Variants in SCN1A observed in about 807,000 individuals in gnomAD.
SCN1A encodes the protein sodium channel protein type 1 subunit alpha.
A neutral mutation model predicts 193.7 loss-of-function variants in SCN1A; 13 were observed. That is an observed-to-expected ratio of 0.07 (90% CI 0.04 to 0.11). The LOEUF (loss-of-function observed/expected upper bound fraction) is 0.11. SCN1A is among the 10% of genes least tolerant of loss of function. SCN1A has a pLI of 1.00. For synonymous variants in SCN1A, 781 were observed against 843.6 expected, an observed-to-expected ratio of 0.93 and a Z score of 1.29; for missense variants, 1,432 against 2,451.1, an observed-to-expected ratio of 0.58 and a Z score of 8.78.
At chr2:166,006,976 T>C (rs1170025532) in intron 23 of SCN1A, among the ~76,000 whole-genome samples, 1 of 150,890 alleles carries the variant, frequency 6.6e-6, no homozygotes, top group Non-Finnish European at 1.5e-5. Flanking sequence ...CATATACACA[T>C]AACTAAATCA....
At chr2:165,993,031 TAA>T (rs1262907480) in intron 28 of SCN1A, 1 of 152,156 alleles carries the variant, frequency 6.6e-6, no homozygotes. Flanking sequence ...CTCCTGTACC[TAA>T]CACTGTAATC....
At chr2:166,016,698 A>G (rs950272454) in intron 19 of SCN1A, 1 of 151,966 alleles carries the variant, frequency 6.6e-6, no homozygotes, top group Admixed American at 6.6e-5. Context: ...TTTTTTGAAC[A>G]CCAACAATAT....
chr2:166,106,823 C>T (rs899911009), intron 2 of SCN1A, among the ~76,000 whole-genome samples: 3 of 152,110 alleles, frequency 2.0e-5, no homozygotes, highest in African/African-American at 7.2e-5. Context: ...AGAGAAGCCC[C>T]TTCCTCCTGC....
At chr2:166,053,418 G>C (rs899577891) in intron 7 of SCN1A, among the ~76,000 whole-genome samples, 2 of 151,830 alleles carry the variant, frequency 1.3e-5, no homozygotes, top group Non-Finnish European at 2.9e-5. Flanking sequence ...GTTTTAGTTA[G>C]AAAAAAATAT....
intron 17 of SCN1A, among the ~76,000 whole-genome samples, chr2:166,038,546 C>T (rs1696756449): frequency 1.3e-5 from 2 of 151,986 alleles, no homozygotes; most frequent in Non-Finnish European, 2.9e-5. Flanking sequence ...CCATGTTGGC[C>T]AGGCTGGTCA....
intron 2 of SCN1A, chr2:166,104,345 T>C (rs773874076): frequency 6.6e-6 from 1 of 152,222 alleles, no homozygotes; most frequent in Non-Finnish European, 1.5e-5. Flanking sequence ...CATAATCTAG[T>C]AAGGTAAGAA....
At chr2:166,043,635 C>T in intron 14 of SCN1A, 34 bp downstream of exon 14, 2 of 1,578,534 alleles carry the variant, frequency 1.3e-6, no homozygotes, top group South Asian at 1.2e-5. Context: ...CAATAGTGAG[C>T]CAGCCATGCC....
chr2:165,998,149 T>G lies in SCN1A; in HGVS notation c.4365A>C (p.Glu1455Asp), dbSNP rs746963769. 6 of 1,605,446 alleles carry G rather than the reference T, an allele frequency of 3.7e-6. No individual in the cohort carries two copies. The highest frequency in any genetic ancestry group is 4.3e-6 in the Non-Finnish European group (5 of 1,174,262). The change falls in exon 26 of 29, where the codon GAA becomes GAC. Residue 1455 changes from glutamate (E) to aspartate (D), a missense_variant. Glu to Asp is a conservative substitution (Grantham distance 45). Coordinates refer to ENST00000674923, the MANE Select transcript of SCN1A (RefSeq NM_001165963.4). ...CAAAGTAAAGATACATGTACAGACTTTCTTCATACTTAGGCTGGAGTTCCA... is the reference window on the plus strand; with the variant it reads ...CAAAGTAAAGATACATGTACAGACTGTCTTCATACTTAGGCTGGAGTTCCA... ...RNVELQPKYE[E>D]SLYMYLYFVI...
intron 2 of SCN1A, among the ~76,000 whole-genome samples, chr2:166,120,287 A>G (rs1216624984): frequency 2.0e-5 from 3 of 151,684 alleles, no homozygotes; most frequent in Non-Finnish European, 2.9e-5. Context: ...AAAACTTTAT[A>G]AAGAAGAAAA....
chr2:166,015,956 G>C (rs1386619739), intron 19 of SCN1A: 1 of 501,058 alleles, frequency 2.0e-6, no homozygotes, highest in Non-Finnish European at 3.6e-6. Flanking sequence ...TATGTTATGA[G>C]GTTACAAAAG....
intron 1 of SCN1A, among the ~76,000 whole-genome samples, chr2:166,145,222 C>T (rs547987662): frequency 1.8e-3 from 161 of 89,132 alleles, no homozygotes; most frequent in African/African-American, 8.4e-3. Flanking sequence ...TGCAGTGGTG[C>T]GATCTCAGGA....
intron 19 of SCN1A, among the ~76,000 whole-genome samples, chr2:166,019,909 CTTCT>C (rs796211372): frequency 0.035 from 4,063 of 117,116 alleles, 189 homozygotes; most frequent in African/African-American, 0.11. Context: ...TCAAGGTGAA[CTTCT>C]TTTTTTTTTT....
intron 2 of SCN1A, among the ~76,000 whole-genome samples, chr2:166,112,112 G>A (rs1189216204): frequency 6.6e-6 from 1 of 152,174 alleles, no homozygotes; most frequent in East Asian, 1.9e-4. Flanking sequence ...TTTGAAACAA[G>A]TTATACTGTG....
In SCN1A at chr2:165,997,779, G is replaced by C. The variant is rs75937041; in HGVS notation, c.4476+259C>G. 7.4e-3 allele frequency among the ~76,000 whole-genome samples: 1,124 copies of C among 151,228 alleles called. 22 individuals are homozygous for C. The highest frequency in any genetic ancestry group is 0.026 in the African/African-American group (1,074 of 41,440). ...TTATTCTAATTATTATTTTTTAAAAGATAGAAAATGTTTCTTGATAATGAA... is the reference window on the plus strand; with the variant it reads ...TTATTCTAATTATTATTTTTTAAAACATAGAAAATGTTTCTTGATAATGAA... On this transcript the variant is annotated intron_variant, in intron 26 of 28. Transcript: ENST00000674923.
intron 19 of SCN1A, among the ~76,000 whole-genome samples, chr2:166,019,417 T>C (rs1292232308): frequency 6.6e-6 from 1 of 152,210 alleles, no homozygotes; most frequent in African/African-American, 2.4e-5. Context: ...TACTCAAATT[T>C]AGTATGCTCT....
At chr2:166,133,497 C>A (rs1691738987) in intron 1 of SCN1A, among the ~76,000 whole-genome samples, 1 of 152,122 alleles carries the variant, frequency 6.6e-6, no homozygotes, top group Non-Finnish European at 1.5e-5. Flanking sequence ...AATATAGGTT[C>A]AGAATGAGTA....
chr2:166,143,388 G>T (rs986852687), intron 1 of SCN1A, among the ~76,000 whole-genome samples: 18 of 151,714 alleles, frequency 1.2e-4, no homozygotes, highest in Admixed American at 1.2e-3. Context: ...GGATGGTCTC[G>T]ATCTCCTGAC....
intron 15 of SCN1A, among the ~76,000 whole-genome samples, 192 bp from the exon 16 acceptor site, chr2:166,041,661 G>C (rs1474055436): frequency 6.6e-6 from 1 of 152,080 alleles, no homozygotes; most frequent in East Asian, 1.9e-4. Flanking sequence ...CACACACATA[G>C]AGCCCAGGTA....
At chr2:166,143,989 C>T (rs1692201410) in intron 1 of SCN1A, among the ~76,000 whole-genome samples, 1 of 152,132 alleles carries the variant, frequency 6.6e-6, no homozygotes, top group African/African-American at 2.4e-5. Flanking sequence ...AGTCTGAGAA[C>T]ATCTCCGTAT....
Sources: allele counts gnomAD v4.1 joint callset (sites outside exome capture counted in the v4.1 genomes callset), GRCh38; gene constraint gnomAD v4.1.1; transcripts MANE v1.5; gene names NCBI Gene and HGNC (gene_info 2026-07-23, HGNC 2026-07-21).